DAW1: variants seen among roughly 807,000 people sequenced by gnomAD.
DAW1 encodes dynein assembly factor with WD repeats 1.
A neutral mutation model predicts 56.5 loss-of-function variants in DAW1; 47 were observed. The observed-to-expected ratio is 0.83, with a 90% CI of 0.66 to 1.06. The LOEUF (loss-of-function observed/expected upper bound fraction) is 1.06, where lower values mean the gene tolerates loss of function less well. Among genes scored for constraint, DAW1 ranks in the 50% least tolerant of loss-of-function variants. The pLI is 0.00. For missense variants in DAW1, 505 were observed against 499.3 expected, an observed-to-expected ratio of 1.01 and a Z score of -0.11; for synonymous variants, 190 against 179.0, an observed-to-expected ratio of 1.06 and a Z score of -0.49.
intron 5 of DAW1, among the ~76,000 whole-genome samples, 175 bp from the exon 6 acceptor site, chr2:227,898,007 C>T (rs1010462247): frequency 1.8e-4 from 28 of 151,978 alleles, no homozygotes; most frequent in African/African-American, 6.3e-4. Flanking sequence ...ATGTGTAAAT[C>T]GATACCACTC....
At chr2:227,898,860 TCTTA>T (rs1455389267) in intron 6 of DAW1, among the ~76,000 whole-genome samples, 1 of 152,112 alleles carries the variant, frequency 6.6e-6, no homozygotes, top group African/African-American at 2.4e-5. Flanking sequence ...TAATAACCAA[TCTTA>T]CTTTTTAATT....
At position 227,907,111 on chromosome 2, in the gene DAW1, T is replaced by TG. The variant is rs775435897; in HGVS notation, c.859-27_859-26insG. ...AGACAGAAAGTCATAGTCTTTTTTT[T>TG]TTTGTTTTTTGTTCTTTTAATTGTA... On this transcript the variant is annotated intron_variant, in intron 9 of 12. Coordinates refer to ENST00000309931, the MANE Select transcript of DAW1 (RefSeq NM_178821.3). 8.5e-6 allele frequency: 13 copies of TG among 1,533,104 alleles called. No individual in the cohort carries two copies. In the African/African-American group the frequency reaches 1.7e-4, roughly 20 times the overall value. 95.0% of individuals were successfully genotyped at this position (1,533,104 alleles called of 1,614,324 possible).
chr2:227,893,270 G>T (rs1449872997), intron 4 of DAW1, among the ~76,000 whole-genome samples: 1 of 149,956 alleles, frequency 6.7e-6, no homozygotes, highest in Admixed American at 6.6e-5. Context: ...ACTCTGTCTC[G>T]GGGGTGGGGT....
chr2:227,880,302 A>G (rs1690978721), intron 1 of DAW1, among the ~76,000 whole-genome samples: 1 of 151,402 alleles, frequency 6.6e-6, no homozygotes, highest in South Asian at 2.1e-4. Context: ...AGCATGTGGC[A>G]TACAGCTAGG....
intron 2 of DAW1, among the ~76,000 whole-genome samples, chr2:227,886,630 A>C (rs1028296307): frequency 1.3e-5 from 2 of 152,082 alleles, no homozygotes; most frequent in African/African-American, 2.4e-5. Flanking sequence ...AAAAAAAGAA[A>C]AGAAATCTCA....
rs112177496 is a variant in DAW1, at chr2:227,903,179, C to T, written c.648+70C>T. On this transcript the variant is annotated intron_variant, in intron 7 of 12. Transcript: ENST00000309931. ...ATTTGTGTTTTTGTTACAAAATGAG[C>T]TCTAAGTTGGAGGTTGTTGAGTTGC... 2.9e-5 allele frequency: 44 copies of T among 1,515,230 alleles called. No homozygotes were observed. The African/African-American group carries it at 5.0e-4, about 17-fold the overall frequency. The allele number at this position is 1,515,230 out of a possible 1,614,324, so 93.9% of individuals were successfully genotyped here. A position where few individuals can be genotyped will look rare whatever the true frequency, so the allele number is the denominator to read the frequency against.
At chr2:227,881,787 C>G (rs945437942) in intron 1 of DAW1, among the ~76,000 whole-genome samples, 5 of 118,784 alleles carry the variant, frequency 4.2e-5, no homozygotes, top group African/African-American at 1.6e-4. Flanking sequence ...GAGTTTCACT[C>G]TGTCGCCCAG....
chr2:227,900,551 G>C (rs530500272), intron 6 of DAW1, among the ~76,000 whole-genome samples: 1 of 152,312 alleles, frequency 6.6e-6, no homozygotes, highest in South Asian at 2.1e-4. Flanking sequence ...AGAGGGAGCA[G>C]TGTGGCCTCC....
At chr2:227,902,548 G>A (rs922735263) in intron 6 of DAW1, among the ~76,000 whole-genome samples, 4 of 152,070 alleles carry the variant, frequency 2.6e-5, no homozygotes, top group African/African-American at 4.8e-5. Context: ...ACAGTTGTCC[G>A]GGGCATGGGT....
chr2:227,884,355 T>C (rs1244040910), intron 1 of DAW1, among the ~76,000 whole-genome samples: 3 of 152,198 alleles, frequency 2.0e-5, no homozygotes, highest in Non-Finnish European at 4.4e-5. Context: ...TTGTTGATTG[T>C]CCTTGGTATA....
intron 10 of DAW1, 86 bp from the exon 11 acceptor site, chr2:227,918,694 G>A (rs16824212): frequency 1.4e-6 from 2 of 1,411,314 alleles, no homozygotes; most frequent in African/African-American, 2.9e-5. Flanking sequence ...GTGTCAGGGG[G>A]ATATATATTT....
At chr2:227,885,459 A>C (rs539371882) in intron 2 of DAW1, 36 bp downstream of exon 2, 5 of 1,521,492 alleles carry the variant, frequency 3.3e-6, no homozygotes, top group Non-Finnish European at 4.5e-6. Context: ...ATAAATGTTC[A>C]CTGGGAAGCC....
At chr2:227,920,886 G>T (rs1388373796) in intron 11 of DAW1, among the ~76,000 whole-genome samples, 1 of 152,064 alleles carries the variant, frequency 6.6e-6, no homozygotes, top group African/African-American at 2.4e-5. Flanking sequence ...CGCCATGTTG[G>T]CCAGGCGGTC....
Position 227,893,662 on chromosome 2 carries a change from A to G in DAW1, c.318-133A>G, listed in dbSNP as rs559160805. 1.0e-4 allele frequency: 137 copies of G among 1,343,184 alleles called. 1 individual carries two copies. In the East Asian group the frequency reaches 3.6e-3, roughly 35 times the overall value. The allele number at this position is 1,343,184 out of a possible 1,614,324, so 83.2% of individuals were successfully genotyped here. A position where few individuals can be genotyped will look rare whatever the true frequency, so the allele number is the denominator to read the frequency against. On this transcript the variant is annotated intron_variant, in intron 4 of 12. Coordinates refer to ENST00000309931, the MANE Select transcript of DAW1 (RefSeq NM_178821.3). ...ACTCCAGCCTGAGTGACAGAGCGAG[A>G]CTCCCTCTTAAACAAACAAACAAAC...
intron 1 of DAW1, among the ~76,000 whole-genome samples, chr2:227,883,725 C>G (rs998339532): frequency 4.6e-5 from 7 of 152,178 alleles, no homozygotes; most frequent in African/African-American, 1.4e-4. Context: ...AATCCATTGT[C>G]TTAAGCCAGA....
chr2:227,901,368 G>A (rs1691541340), intron 6 of DAW1, among the ~76,000 whole-genome samples: 1 of 152,148 alleles, frequency 6.6e-6, no homozygotes, highest in African/African-American at 2.4e-5. Flanking sequence ...CTGTGTGATA[G>A]CCAAACAGAG....
chr2:227,913,898 T>C (rs1161178234), intron 10 of DAW1, among the ~76,000 whole-genome samples: 2 of 122,040 alleles, frequency 1.6e-5, no homozygotes, highest in African/African-American at 5.8e-5. Context: ...TGTCTGTCTG[T>C]CTGTCTGTCT....
At chr2:227,896,630 G>GTGTGTGTGTGTGTT in intron 5 of DAW1, among the ~76,000 whole-genome samples, 1 of 135,560 alleles carries the variant, frequency 7.4e-6, no homozygotes, top group Admixed American at 7.7e-5. Flanking sequence ...GTGTGTGTGT[G>GTGTGTGTGTGTGTT]TATGAGAGAG....
chr2:227,913,934 A>T (rs1282745394), intron 10 of DAW1, among the ~76,000 whole-genome samples: 14 of 130,750 alleles, frequency 1.1e-4, no homozygotes, highest in Non-Finnish European at 1.6e-4. Flanking sequence ...TATCTTCATC[A>T]TCATCATCAT....
Sources: gnomAD v4.1 joint callset for allele counts (sites outside exome capture counted in the v4.1 genomes callset) on GRCh38, gnomAD v4.1.1 for gene constraint, MANE v1.5 for transcripts, NCBI Gene and HGNC (gene_info 2026-07-23, HGNC 2026-07-21) for gene names.